Variants in SNTB1 observed in about 807,000 individuals in gnomAD.
SNTB1 encodes beta-1-syntrophin.
In SNTB1, 36 loss-of-function variants were observed where a neutral mutation model predicts 48.9. That is an observed-to-expected ratio of 0.74 (90% confidence interval 0.56 to 0.97). SNTB1 has a LOEUF of 0.97. Among genes scored for constraint, SNTB1 ranks in the 50% least tolerant of loss-of-function variants. SNTB1 has a pLI of 0.00. For synonymous variants in SNTB1, 299 were observed against 294.6 expected (o/e 1.01, Z -0.15); for missense variants, 786 against 703.4 (o/e 1.12, Z -1.33).
At chr8:120,659,846 A>G (rs1263570195) in intron 2 of SNTB1, among the ~76,000 whole-genome samples, 1 of 152,220 alleles carries the variant, frequency 6.6e-6, no homozygotes, top group Non-Finnish European at 1.5e-5. Context: ...TGGGCTACAG[A>G]ATAGATTCTA....
At chr8:120,702,214 C>A (rs566854577) in intron 1 of SNTB1, among the ~76,000 whole-genome samples, 5 of 152,160 alleles carry the variant, frequency 3.3e-5, no homozygotes, top group Non-Finnish European at 1.5e-5. Context: ...GTGCCTGTTG[C>A]GGCACAGGGT....
intron 2 of SNTB1, among the ~76,000 whole-genome samples, chr8:120,645,114 G>T (rs1366905083): frequency 6.6e-6 from 1 of 150,490 alleles, no homozygotes; most frequent in East Asian, 2.0e-4. Context: ...TTTGTAGGTT[G>T]CCTGTTCACT....
chr8:120,723,328 T>C (rs1020132174), intron 1 of SNTB1, among the ~76,000 whole-genome samples: 2 of 152,200 alleles, frequency 1.3e-5, no homozygotes, highest in Non-Finnish European at 2.9e-5. Context: ...TACGTACATA[T>C]ACACATATAT....
intron 3 of SNTB1, among the ~76,000 whole-genome samples, chr8:120,589,517 A>T (rs1816204493): frequency 6.6e-6 from 1 of 152,228 alleles, no homozygotes; most frequent in South Asian, 2.1e-4. Context: ...GCTATAACAA[A>T]TTACCATAGA....
At chr8:120,633,801 A>C (rs905409283) in intron 2 of SNTB1, among the ~76,000 whole-genome samples, 7 of 152,144 alleles carry the variant, frequency 4.6e-5, no homozygotes, top group African/African-American at 1.7e-4. Flanking sequence ...ATTAGCATGG[A>C]GTTGCACAAA....
intron 3 of SNTB1, among the ~76,000 whole-genome samples, chr8:120,624,125 A>G (rs1416664895): frequency 6.6e-6 from 1 of 152,126 alleles, no homozygotes; most frequent in Non-Finnish European, 1.5e-5. Flanking sequence ...TTTAGTAGAC[A>G]TGGGGTTTCA....
At chr8:120,710,068 T>C (rs1221879302) in intron 1 of SNTB1, among the ~76,000 whole-genome samples, 2 of 152,110 alleles carry the variant, frequency 1.3e-5, no homozygotes, top group Non-Finnish European at 2.9e-5. Context: ...ATCCATATCC[T>C]CACTATCCCC....
chr8:120,570,537 C>G (rs560097248), intron 4 of SNTB1: 1 of 152,360 alleles, frequency 6.6e-6, no homozygotes, highest in African/African-American at 2.4e-5. Context: ...GAACTGGAAT[C>G]CCACCTCCAT....
chr8:120,617,997 A>G (rs1563832881), intron 3 of SNTB1, among the ~76,000 whole-genome samples: 1 of 152,150 alleles, frequency 6.6e-6, no homozygotes, highest in African/African-American at 2.4e-5. Flanking sequence ...ATATATATAT[A>G]TTTAGTGCTC....
chr8:120,577,795 C>G (rs1815975341), intron 3 of SNTB1, among the ~76,000 whole-genome samples: 1 of 152,146 alleles, frequency 6.6e-6, no homozygotes, highest in Admixed American at 6.5e-5. Flanking sequence ...ACCCATGTGT[C>G]AAGTGGTATA....
chr8:120,587,274 A>T (rs931899763), intron 3 of SNTB1, among the ~76,000 whole-genome samples: 1 of 152,086 alleles, frequency 6.6e-6, no homozygotes, highest in Non-Finnish European at 1.5e-5. Context: ...AACAACAACA[A>T]AAAAGAAAAC....
chr8:120,539,580 T>C (rs1368294362), intron 6 of SNTB1, among the ~76,000 whole-genome samples: 1 of 152,230 alleles, frequency 6.6e-6, no homozygotes, highest in Non-Finnish European at 1.5e-5. Context: ...AGTCTTATGC[T>C]TCTTGATGTG....
Position 120,763,757 on chromosome 8 carries a change from T to G in SNTB1, c.571+47516A>C, listed in dbSNP as rs75813730. Among the ~76,000 whole-genome samples the G allele has an allele frequency of 1.3e-3, 198 of 152,064 alleles. 2 individuals carry two copies. The East Asian group carries it at 0.033, about 25-fold the overall frequency. On this transcript the variant is annotated intron_variant, in intron 1 of 6. Coordinates refer to ENST00000517992, the MANE Select transcript of SNTB1 (RefSeq NM_021021.4). Reference sequence around the variant, plus strand: ...TATAAATAGAAATTTTTTTTAGCTCTTAAATTTACAATATGATACTCAACC... The same window carrying G: ...TATAAATAGAAATTTTTTTTAGCTCGTAAATTTACAATATGATACTCAACC...
At chr8:120,596,584 G>A (rs1456075272) in intron 3 of SNTB1, among the ~76,000 whole-genome samples, 2 of 152,180 alleles carry the variant, frequency 1.3e-5, no homozygotes, top group Non-Finnish European at 2.9e-5. Context: ...CATTTAGGTT[G>A]TTGGCTGAAT....
chr8:120,541,906 C>G lies in SNTB1; in HGVS notation c.1428G>C (p.Lys476Asn), dbSNP rs771993965. ...TTEPQEGAFP[K>N]TIIQSPYEKL... ...TTTCATAAGGAGACTGTATGATGGT[C>G]TTGGGAAAGGCACCCTCCTGTGGTT... The change falls in exon 6 of 7, where the codon AAG (lysine) becomes AAC (asparagine). Residue 476 changes from lysine to asparagine, a missense_variant. By Grantham distance (94) the Lys-to-Asn change is moderately conservative. Coordinates refer to ENST00000517992, the MANE Select transcript of SNTB1 (RefSeq NM_021021.4). 15 of 1,613,848 alleles carry G rather than the reference C, an allele frequency of 9.3e-6. No homozygotes were observed. Among genetic ancestry groups the G allele is most frequent in the Admixed American group, 8.3e-5 (5 of 60,006 alleles).
chr8:120,805,235 C>T (rs1043767460), intron 1 of SNTB1, among the ~76,000 whole-genome samples: 1 of 150,724 alleles, frequency 6.6e-6, no homozygotes, highest in African/African-American at 2.5e-5. Context: ...CCACCCTCTC[C>T]TCCAAACACA....
chr8:120,658,102 G>T (rs1051249364), intron 2 of SNTB1, among the ~76,000 whole-genome samples: 3 of 152,146 alleles, frequency 2.0e-5, no homozygotes, highest in Non-Finnish European at 2.9e-5. Context: ...TCTTTCCTTA[G>T]TGAGGGTACA....
At chr8:120,659,711 A>G (rs1019552471) in intron 2 of SNTB1, among the ~76,000 whole-genome samples, 1 of 152,256 alleles carries the variant, frequency 6.6e-6, no homozygotes, top group African/African-American at 2.4e-5. Context: ...TTTAAGAAAT[A>G]TATCTGCCTG....
intron 3 of SNTB1, among the ~76,000 whole-genome samples, chr8:120,618,522 T>G (rs1816749446): frequency 6.6e-6 from 1 of 152,208 alleles, no homozygotes; most frequent in Non-Finnish European, 1.5e-5. Flanking sequence ...GCTTGGCATA[T>G]TGTATGTGCT....
Sources: allele counts gnomAD v4.1 joint callset (sites outside exome capture counted in the v4.1 genomes callset), GRCh38; gene constraint gnomAD v4.1.1; transcripts MANE v1.5; gene names NCBI Gene and HGNC (gene_info 2026-07-23, HGNC 2026-07-21).